CPA6: variants seen among roughly 807,000 people sequenced by gnomAD.
The protein encoded by CPA6 is carboxypeptidase B.
CPA6 carries 58 observed loss-of-function variants against 63.3 expected under a neutral mutation model. The observed-to-expected ratio is 0.92, with a 90% CI of 0.74 to 1.14. The LOEUF is 1.14. Ranked by LOEUF, CPA6 falls within the 50% of genes most tolerant of loss-of-function variation. The pLI, the probability that CPA6 is intolerant of heterozygous loss-of-function variation, is 0.00. For synonymous variants in CPA6, 185 were observed against 179.0 expected (o/e 1.03, Z -0.27); for missense variants, 565 against 526.6 (o/e 1.07, Z -0.71).
intron 1 of CPA6, among the ~76,000 whole-genome samples, chr8:67,690,248 CT>C (rs1816789022): frequency 6.6e-6 from 1 of 152,118 alleles, no homozygotes; most frequent in Admixed American, 6.5e-5. Flanking sequence ...GCTAAGTGGA[CT>C]GGTCTGCATA....
At position 67,575,088 on chromosome 8, in the gene CPA6, C is replaced by T. The variant is rs544519332; in HGVS notation, c.192+49088G>A. Reference sequence around the variant, plus strand: ...AATGGGCAAAGAATCTGAATAGACACTTCTGAAAAGAAGACATATGAATGG... The same window carrying T: ...AATGGGCAAAGAATCTGAATAGACATTTCTGAAAAGAAGACATATGAATGG... On this transcript the variant is annotated intron_variant, in intron 2 of 10. Coordinates refer to ENST00000297770, the MANE Select transcript of CPA6 (RefSeq NM_020361.5). Among the ~76,000 whole-genome samples, 120 of 152,164 alleles carry T rather than the reference C, an allele frequency of 7.9e-4. 1 individual carries two copies. The highest frequency in any genetic ancestry group is 3.3e-3 in the South Asian group (16 of 4,816).
rs999191174 is a variant in CPA6 at position 67,664,487 on chromosome 8, G to A, written c.117-40236C>T. Among the ~76,000 whole-genome samples the A allele has an allele frequency of 2.6e-5, 4 of 152,270 alleles. No homozygotes were observed. In the East Asian group the frequency reaches 7.7e-4, roughly 29 times the overall value. On this transcript the variant is annotated intron_variant, in intron 1 of 10. Transcript: ENST00000297770. ...CCAAATGTAGCAATACAGAGAGAGG[G>A]CTGGCCTCTAGCCCACTGTGCACCT...
At chr8:67,667,587 G>C (rs1301559315) in intron 1 of CPA6, among the ~76,000 whole-genome samples, 8 of 152,120 alleles carry the variant, frequency 5.3e-5, no homozygotes, top group Non-Finnish European at 1.2e-4. Context: ...TGATTTTGCA[G>C]ATTTAAAGGG....
intron 2 of CPA6, among the ~76,000 whole-genome samples, chr8:67,618,982 T>G (rs2128986222): frequency 6.6e-6 from 1 of 152,330 alleles, no homozygotes; most frequent in South Asian, 2.1e-4. Flanking sequence ...AACTTTCTTG[T>G]TTTAATTCTT....
chr8:67,547,306 A>G (rs910836104), intron 2 of CPA6, among the ~76,000 whole-genome samples: 8 of 152,330 alleles, frequency 5.3e-5, no homozygotes, highest in Non-Finnish European at 8.8e-5. Flanking sequence ...TCGGCCTCCC[A>G]AAGTGCTGGG....
intron 1 of CPA6, among the ~76,000 whole-genome samples, chr8:67,645,903 T>C (rs1336787461): frequency 2.0e-5 from 3 of 152,202 alleles, no homozygotes; most frequent in Non-Finnish European, 4.4e-5. Context: ...TTTGAGAAGA[T>C]GGTAATTCCT....
chr8:67,426,585 A>G (rs538061692), intron 10 of CPA6, among the ~76,000 whole-genome samples: 34 of 152,172 alleles, frequency 2.2e-4, no homozygotes, highest in Non-Finnish European at 3.7e-4. Flanking sequence ...TTATTTGTCA[A>G]TGTTAATTGA....
intron 2 of CPA6, among the ~76,000 whole-genome samples, chr8:67,525,429 T>A (rs2128967975): frequency 6.6e-6 from 1 of 152,326 alleles, no homozygotes; most frequent in African/African-American, 2.4e-5. Context: ...AAAGCATTGC[T>A]TAAGAATATA....
At chr8:67,631,995 C>T (rs534648777) in intron 1 of CPA6, among the ~76,000 whole-genome samples, 1 of 152,314 alleles carries the variant, frequency 6.6e-6, no homozygotes, top group Non-Finnish European at 1.5e-5. Context: ...AACTGTAACA[C>T]TCACCGCGAG....
chr8:67,681,845 CTTTG>C (rs1182037125), intron 1 of CPA6, among the ~76,000 whole-genome samples: 1 of 151,570 alleles, frequency 6.6e-6, no homozygotes, highest in African/African-American at 2.4e-5. Flanking sequence ...AATCCTTCAA[CTTTG>C]TTTTTTTTCA....
At chr8:67,597,152 C>T (rs1035593320) in intron 2 of CPA6, among the ~76,000 whole-genome samples, 2 of 150,610 alleles carry the variant, frequency 1.3e-5, no homozygotes, top group African/African-American at 4.9e-5. Context: ...TTTTTCCTTC[C>T]TTTCTGAAAC....
chr8:67,601,969 A>G (rs1814508103), intron 2 of CPA6, among the ~76,000 whole-genome samples: 1 of 152,204 alleles, frequency 6.6e-6, no homozygotes, highest in African/African-American at 2.4e-5. Flanking sequence ...ATCTAATATC[A>G]GTAGAAGACT....
At chr8:67,529,818 A>G (rs1483202850) in intron 2 of CPA6, among the ~76,000 whole-genome samples, 2 of 152,186 alleles carry the variant, frequency 1.3e-5, no homozygotes, top group African/African-American at 4.8e-5. Context: ...TCATACCCCA[A>G]GAAGTCCACT....
intron 9 of CPA6, among the ~76,000 whole-genome samples, chr8:67,429,132 CCT>C (rs1419290171): frequency 2.0e-5 from 3 of 152,076 alleles, no homozygotes; most frequent in African/African-American, 7.2e-5. Flanking sequence ...GTTACATATG[CCT>C]CCCACAGATC....
At chr8:67,709,334 T>C (rs1056210765) in intron 1 of CPA6, among the ~76,000 whole-genome samples, 5 of 152,188 alleles carry the variant, frequency 3.3e-5, no homozygotes, top group Non-Finnish European at 1.5e-5. Context: ...CTTTACCTCA[T>C]TTCGTTCATG....
intron 1 of CPA6, among the ~76,000 whole-genome samples, chr8:67,673,352 A>ATTT (rs1215167970): frequency 3.8e-5 from 4 of 104,092 alleles, no homozygotes; most frequent in Admixed American, 2.6e-4. Flanking sequence ...ATCTCTTTCA[A>ATTT]TTTATTATTA....
rs192328136 is a variant in CPA6 at position 67,732,874 on chromosome 8, T to A, written c.116+13140A>T. Among the ~76,000 whole-genome samples, 4 of 152,176 alleles carry A rather than the reference T, an allele frequency of 2.6e-5. No individual in the cohort carries two copies. In the East Asian group the frequency reaches 5.8e-4, roughly 22 times the overall value. On this transcript the variant is annotated intron_variant, in intron 1 of 10. Coordinates refer to ENST00000297770, the MANE Select transcript of CPA6 (RefSeq NM_020361.5). ...CCCCCAGGCTCCAGCCATGTCACCC[T>A]GCTGCTTGTCCTCAACAGTGGTTCT...
chr8:67,631,137 G>A (rs544682274), intron 1 of CPA6, among the ~76,000 whole-genome samples: 108 of 152,350 alleles, frequency 7.1e-4, no homozygotes, highest in Middle Eastern at 3.4e-3. Context: ...AGCTCCACCC[G>A]TGGCCCCGGT....
chr8:67,662,071 G>A (rs186389150), intron 1 of CPA6, among the ~76,000 whole-genome samples: 24 of 152,190 alleles, frequency 1.6e-4, no homozygotes, highest in Non-Finnish European at 2.9e-4. Context: ...CCCCTCCTAA[G>A]ACCATGATTT....
Sources: gnomAD v4.1 joint callset for allele counts (sites outside exome capture counted in the v4.1 genomes callset) on GRCh38, gnomAD v4.1.1 for gene constraint, MANE v1.5 for transcripts, NCBI Gene and HGNC (gene_info 2026-07-23, HGNC 2026-07-21) for gene names.